TTN: variants seen among roughly 807,000 people sequenced by gnomAD.
TTN encodes titin, also known as connectin.
A neutral mutation model predicts 3,223.0 loss-of-function variants in TTN; 1,525 were observed. The ratio of observed to expected loss-of-function variants is 0.47; its 90% CI spans 0.45 to 0.49. The LOEUF (loss-of-function observed/expected upper bound fraction) is 0.49. Ranked by LOEUF, TTN falls within the 20% of genes least tolerant of loss-of-function variation. The pLI, the probability that TTN is intolerant of heterozygous loss-of-function variation, is 0.00. For synonymous variants in TTN, 14,094 were observed against 15,161.0 expected, an observed-to-expected ratio of 0.93 and a Z score of 5.17; for missense variants, 40,786 against 43,424.0, an observed-to-expected ratio of 0.94 and a Z score of 5.40.
chr2:178,681,464 A>G lies in TTN; in HGVS notation c.33173-14T>C. ...CTTTCTTCAGCACTTCAAAATATCAATATTAAGAGATTTTAAAAATTGAAA... is the reference window on the plus strand; with the variant it reads ...CTTTCTTCAGCACTTCAAAATATCAGTATTAAGAGATTTTAAAAATTGAAA... On this transcript the variant is annotated splice_polypyrimidine_tract_variant and intron_variant, in intron 136 of 362. Transcript: ENST00000589042. The G allele has an allele frequency of 6.3e-7, 1 of 1,584,860 alleles. No individual in the cohort carries two copies. The highest frequency in any genetic ancestry group is 8.6e-7 in the Non-Finnish European group (1 of 1,168,564).
chr2:178,796,890 C>T (rs568657689), intron 6 of TTN, among the ~76,000 whole-genome samples: 1 of 152,230 alleles, frequency 6.6e-6, no homozygotes, highest in Admixed American at 6.5e-5. Context: ...TACAATGCAC[C>T]TTATTCAATG....
Position 178,594,131 on chromosome 2 carries a change from A to G in TTN, c.58262T>C (p.Phe19421Ser). Residue 19421 changes from phenylalanine (F) to serine (S), a missense_variant, in exon 297 of 363, where the codon TTC (phenylalanine) becomes TCC (serine). Transcript: ENST00000589042. The stretch of plus-strand genomic sequence containing the variant: ...TTCCAGCACATCAGCTTCATCTTTG[A>G]ACCAGGAAACCTTAGGCTTTGGTTT... ...SGKPKPKVSWFKDEADVLEDD... is the reference protein window; with the variant it reads ...SGKPKPKVSWSKDEADVLEDD... 1.2e-6 allele frequency: 2 copies of G among 1,613,458 alleles called. No homozygotes were observed. The highest frequency in any genetic ancestry group is 4.5e-5 in the East Asian group (2 of 44,714).
chr2:178,637,108 T>A (rs2154232327), intron 224 of TTN, among the ~76,000 whole-genome samples: 1 of 138,474 alleles, frequency 7.2e-6, no homozygotes, highest in East Asian at 2.2e-4. Context: ...AAAATGAAGC[T>A]AAGAACTTAT....
Position 178,557,913 on chromosome 2 carries a change from A to C in TTN, c.87441T>G (p.Ile29147Met). The change falls in exon 328 of 363, where the codon ATT becomes ATG. Residue 29147 changes from isoleucine (I) to methionine (M), a missense_variant. By Grantham distance (10) the Ile-to-Met change is conservative. Coordinates refer to ENST00000589042, the MANE Select transcript of TTN (RefSeq NM_001267550.2). Reference protein sequence around the residue: ...RPGPPTGPVVISDITEESVTL... With the variant: ...RPGPPTGPVVMSDITEESVTL... ...TCACACTTTCTTCAGTTATATCACTAATAACAACAGGGCCAGTTGGAGGAC... is the reference window on the plus strand; with the variant it reads ...TCACACTTTCTTCAGTTATATCACTCATAACAACAGGGCCAGTTGGAGGAC... 6.2e-7 allele frequency: 1 copy of C among 1,613,470 alleles called. No individual in the cohort carries two copies. The highest frequency in any genetic ancestry group is 8.5e-7 in the Non-Finnish European group (1 of 1,179,842).
rs55906845 is a variant in TTN, at chr2:178,738,221, G to A, written c.14232C>T (p.Asp4744=). The change falls in exon 49 of 363, where the codon GAC becomes GAT. Residue 4744 remains aspartate (D), a synonymous_variant. Transcript: ENST00000589042. ...FKAGREIYES[D]KCSIRSSKYI... ...ACTTTGAAGATCGAATAGAACACTTGTCACTCTCATAAATTTCTCGGCCAG... is the reference window on the plus strand; with the variant it reads ...ACTTTGAAGATCGAATAGAACACTTATCACTCTCATAAATTTCTCGGCCAG... The A allele has an allele frequency of 5.0e-6, 8 of 1,613,528 alleles. No homozygotes were observed. In the East Asian group the frequency reaches 6.7e-5, roughly 14 times the overall value.
rs1173008337 is a variant in TTN at position 178,635,303 on chromosome 2, C to A, written c.41886G>T (p.Glu13962Asp). 1 of 1,613,068 alleles carries A rather than the reference C, an allele frequency of 6.2e-7. No homozygotes were observed. Among genetic ancestry groups the A allele is most frequent in the East Asian group, 2.2e-5 (1 of 44,720 alleles). The stretch of plus-strand genomic sequence containing the variant: ...TTGGTTTAAGCAGTTCAACTTCACG[C>A]TCTGTATTGGTCAGGGATGAAGTAA... ...KRYPAKLTLGEREVELLKPIE... is the reference protein window; with the variant it reads ...KRYPAKLTLGDREVELLKPIE... The change falls in exon 228 of 363, where the codon GAG becomes GAT. Residue 13962 changes from glutamate (E) to aspartate (D), a missense_variant and splice_region_variant. Coordinates refer to ENST00000589042, the MANE Select transcript of TTN (RefSeq NM_001267550.2).
At chr2:178,681,553 AAC>A in intron 136 of TTN, 103 bp from the exon 137 acceptor site, 2 of 1,457,352 alleles carry the variant, frequency 1.4e-6, no homozygotes, top group Non-Finnish European at 1.9e-6. Context: ...AATATTCCCA[AAC>A]ACACACATAA....
At chr2:178,535,878 ATAATT>A in intron 357 of TTN, 29 bp from the exon 358 acceptor site, 1 of 1,507,052 alleles carries the variant, frequency 6.6e-7, no homozygotes, top group South Asian at 1.4e-5. Context: ...AAAAAAGAAT[ATAATT>A]TAGCAACATC....
chr2:178,741,391 G>C lies in TTN; in HGVS notation c.11842C>G (p.Arg3948Gly). ...PHFLKELKPI[R>G]CAQGLPAIFE... ...ATGGCAGGAAGCCCTTGAGCACAGC[G>C]AATTGGTTTTAACTCCTTAAGGAAG... The change falls in exon 48 of 363, where the codon CGC (arginine) becomes GGC (glycine). Residue 3948 changes from arginine to glycine, a missense_variant. Transcript: ENST00000589042. 1 of 1,613,870 alleles carries C rather than the reference G, an allele frequency of 6.2e-7. No individual in the cohort carries two copies. The highest frequency in any genetic ancestry group is 8.5e-7 in the Non-Finnish European group (1 of 1,179,830).
Position 178,682,566 on chromosome 2 carries a change from G to A in TTN, c.33094+131C>T, listed in dbSNP as rs4894034. On this transcript the variant is annotated intron_variant, in intron 135 of 362. Coordinates refer to ENST00000589042, the MANE Select transcript of TTN (RefSeq NM_001267550.2). ...TCAAAGAAGAAAATTCCGCATTTGC[G>A]AAATGAAACAAAGTTCTTTCCAAAT... 0.04 allele frequency: 36,012 copies of A among 894,082 alleles called. 1,588 individuals are homozygous for A. The highest frequency in any genetic ancestry group is 0.16 in the Admixed American group (5,070 of 31,394). 55.4% of individuals were successfully genotyped at this position (894,082 alleles called of 1,614,324 possible).
chr2:178,582,239 C>T (rs779037888), intron 314 of TTN, 31 bp from the exon 315 acceptor site: 20 of 1,583,844 alleles, frequency 1.3e-5, no homozygotes, highest in Non-Finnish European at 1.6e-5. Flanking sequence ...GTTAATTTCC[C>T]AGGCTAAAAG....
rs1007942366 is a variant in TTN, at chr2:178,737,993, T to C, written c.14371+89A>G. 6.5e-6 allele frequency: 10 copies of C among 1,527,864 alleles called. No individual in the cohort carries two copies. The South Asian group carries it at 1.2e-4, about 18-fold the overall frequency. The allele number at this position is 1,527,864 out of a possible 1,614,324, so 94.6% of individuals were successfully genotyped here. Reference sequence around the variant, plus strand: ...GGTTGTTGGTCTCTCCAGTTGGTAATACAAGCATTTCCCACACATGTACAG... The same window carrying C: ...GGTTGTTGGTCTCTCCAGTTGGTAACACAAGCATTTCCCACACATGTACAG... On this transcript the variant is annotated intron_variant, in intron 49 of 362. Transcript: ENST00000589042.
chr2:178,555,318 C>G, intron 330 of TTN, 166 bp from the exon 331 acceptor site: 3 of 646,274 alleles, frequency 4.6e-6, no homozygotes, highest in Non-Finnish European at 7.5e-6. Flanking sequence ...TTATAGGCCA[C>G]TCTTCTATCT....
At chr2:178,750,824 CAT>C (rs2085280860) in intron 47 of TTN, 2 of 1,613,078 alleles carry the variant, frequency 1.2e-6, no homozygotes, top group African/African-American at 2.7e-5. Context: ...CTCCTTCTCA[CAT>C]ACATTAGTGA....
At chr2:178,610,053 T>C in intron 271 of TTN, 37 bp downstream of exon 271, 2 of 1,611,672 alleles carry the variant, frequency 1.2e-6, no homozygotes, top group Non-Finnish European at 1.7e-6. Flanking sequence ...TATGGTTTAT[T>C]AGTTCTTAGC....
chr2:178,706,990 A>G (rs2075984986), intron 100 of TTN, 36 bp from the exon 101 acceptor site: 1 of 1,548,916 alleles, frequency 6.5e-7, no homozygotes, highest in Middle Eastern at 1.7e-4. Context: ...TACTACAATC[A>G]CCTCAGAATT....
Position 178,545,378 on chromosome 2 carries a change from T to TG in TTN, c.95722+9dup. 3 of 1,537,492 alleles carry TG rather than the reference T, an allele frequency of 2.0e-6. No individual in the cohort carries two copies. Among genetic ancestry groups the TG allele is most frequent in the Non-Finnish European group, 2.6e-6 (3 of 1,142,048 alleles). On this transcript the variant is annotated intron_variant, in intron 344 of 362. Coordinates refer to ENST00000589042, the MANE Select transcript of TTN (RefSeq NM_001267550.2). Reference sequence around the variant, plus strand: ...GAGCATTGTATTTATGTATGATTCTTGGAGCTCACATGATGGTTCTCTGCA... The same window carrying TG: ...GAGCATTGTATTTATGTATGATTCTTGGGAGCTCACATGATGGTTCTCTGCA...
rs1046768266 is a variant in TTN at position 178,713,235 on chromosome 2, T to A, written c.26899A>T (p.Ser8967Cys). ...GTGGTCTGGTATTTCCTTCCACTAC[T>A]GATCTCATTTCCTTCATGGAACCAG... is the stretch of plus-strand genomic sequence containing the variant. The part of the protein sequence containing the change: ...VSWFHEGNEI[S>C]SGRKYQTTLT... The change falls in exon 93 of 363, where the codon AGT (serine) becomes TGT (cysteine). Residue 8967 changes from serine (S) to cysteine (C), a missense_variant. Coordinates refer to ENST00000589042, the MANE Select transcript of TTN (RefSeq NM_001267550.2). The A allele has an allele frequency of 1.9e-6, 3 of 1,613,238 alleles. No individual in the cohort carries two copies. In the African/African-American group the frequency reaches 4.0e-5, roughly 22 times the overall value.
rs760942111 is a variant in TTN at position 178,635,322 on chromosome 2, G to A, written c.41885-18C>T. On this transcript the variant is annotated intron_variant, in intron 227 of 362. Transcript: ENST00000589042. Reference sequence around the variant, plus strand: ...TTCACGCTCTGTATTGGTCAGGGATGAAGTAACATAATGCTTTAGACAACC... The same window carrying A: ...TTCACGCTCTGTATTGGTCAGGGATAAAGTAACATAATGCTTTAGACAACC... The A allele has an allele frequency of 2.1e-5, 34 of 1,611,892 alleles. No individual in the cohort carries two copies. In the Admixed American group the frequency reaches 4.9e-4, roughly 23 times the overall value.
Sources: allele counts gnomAD v4.1 joint callset (sites outside exome capture counted in the v4.1 genomes callset), GRCh38; gene constraint gnomAD v4.1.1; transcripts MANE v1.5; gene names NCBI Gene and HGNC (gene_info 2026-07-23, HGNC 2026-07-21).